Variants in STIM1 observed in about 807,000 individuals in gnomAD.
The protein encoded by STIM1 is stromal interaction molecule 1.
Under a neutral mutation model 74.7 loss-of-function variants are expected in STIM1, and 25 were observed. The ratio of observed to expected loss-of-function variants is 0.33; its 90% confidence interval spans 0.24 to 0.47. The LOEUF (loss-of-function observed/expected upper bound fraction) is 0.47, where lower values mean the gene tolerates loss of function less well. Among genes scored for constraint, STIM1 ranks in the 20% least tolerant of loss-of-function variants. The pLI is 1.00. For missense variants in STIM1, 728 were observed against 920.8 expected (o/e 0.79, Z 2.71); for synonymous variants, 328 against 348.8 (o/e 0.94, Z 0.66).
At chr11:3,883,558 G>C (rs966320169) in intron 1 of STIM1, among the ~76,000 whole-genome samples, 1 of 152,072 alleles carries the variant, frequency 6.6e-6, no homozygotes, top group Non-Finnish European at 1.5e-5. Context: ...TTACCATGTT[G>C]GTCAGGCTGG....
intron 1 of STIM1, among the ~76,000 whole-genome samples, chr11:3,876,985 C>T (rs866631281): frequency 6.6e-6 from 1 of 152,068 alleles, no homozygotes; most frequent in African/African-American, 2.4e-5. Flanking sequence ...TTACTGAGTG[C>T]GTTGCTCAGT....
chr11:4,076,985 G>T (rs183826444), intron 7 of STIM1, among the ~76,000 whole-genome samples: 3 of 151,770 alleles, frequency 2.0e-5, no homozygotes, highest in Admixed American at 6.6e-5. Context: ...AAGATTGTCA[G>T]ATTGGATTAA....
At chr11:3,882,190 C>T (rs530970936) in intron 1 of STIM1, among the ~76,000 whole-genome samples, 1 of 148,974 alleles carries the variant, frequency 6.7e-6, no homozygotes, top group South Asian at 2.1e-4. Flanking sequence ...ACCTCTGTCT[C>T]CTGGGTTCAA....
intron 3 of STIM1, among the ~76,000 whole-genome samples, chr11:4,051,856 C>T (rs1020226347): frequency 1.3e-5 from 2 of 152,018 alleles, no homozygotes; most frequent in African/African-American, 4.8e-5. Context: ...TTTAGAAAAC[C>T]CCATCGTCTC....
At chr11:4,052,613 T>A (rs2094252610) in intron 3 of STIM1, among the ~76,000 whole-genome samples, 1 of 152,208 alleles carries the variant, frequency 6.6e-6, no homozygotes, top group South Asian at 2.1e-4. Context: ...ACTTACATGT[T>A]AGACCTAAAA....
At chr11:3,969,716 G>A (rs2093373584) in intron 2 of STIM1, among the ~76,000 whole-genome samples, 1 of 152,168 alleles carries the variant, frequency 6.6e-6, no homozygotes, top group Non-Finnish European at 1.5e-5. Flanking sequence ...GGGTTGGTTT[G>A]GTTAGACAGG....
At chr11:3,876,417 T>A (rs976193550) in intron 1 of STIM1, among the ~76,000 whole-genome samples, 2 of 152,126 alleles carry the variant, frequency 1.3e-5, no homozygotes, top group Non-Finnish European at 2.9e-5. Flanking sequence ...ATTTCTTTTG[T>A]TTTTGGGAGA....
chr11:3,944,038 G>C (rs936728792), intron 1 of STIM1, among the ~76,000 whole-genome samples: 1 of 152,138 alleles, frequency 6.6e-6, no homozygotes, highest in African/African-American at 2.4e-5. Flanking sequence ...GTTATGTACA[G>C]AATAGACATC....
intron 1 of STIM1, among the ~76,000 whole-genome samples, chr11:3,884,571 G>T (rs1037373936): frequency 2.0e-5 from 3 of 152,170 alleles, no homozygotes; most frequent in African/African-American, 4.8e-5. Flanking sequence ...AATAGCCTTG[G>T]GAACTTGGGG....
rs138049599 is a variant in STIM1, at chr11:4,079,703, G to T, written c.970-2481G>T. 4.6e-3 allele frequency among the ~76,000 whole-genome samples: 708 copies of T among 152,258 alleles called. 9 individuals are homozygous for T. The highest frequency in any genetic ancestry group is 0.016 in the African/African-American group (680 of 41,542). ...CATAAAATGCATACAGCTTTCTCCA[G>T]ATGTTGTGTTGGATCAGAATTGTTT... is the stretch of plus-strand genomic sequence containing the variant. On this transcript the variant is annotated intron_variant, in intron 7 of 12. Transcript: ENST00000526596.
At chr11:4,070,271 G>A (rs1217238175) in intron 6 of STIM1, 68 bp downstream of exon 6, 1 of 1,591,546 alleles carries the variant, frequency 6.3e-7, no homozygotes, top group Middle Eastern at 2.2e-4. Flanking sequence ...TTCCACCTGG[G>A]TGTGAGCCAC....
chr11:3,970,636 T>G (rs182268988), intron 2 of STIM1, among the ~76,000 whole-genome samples: 83 of 152,198 alleles, frequency 5.5e-4, no homozygotes, highest in Middle Eastern at 3.4e-3. Flanking sequence ...TAATGAAAAT[T>G]TCATAAGATA....
chr11:4,047,069 C>A (rs1188011373), intron 3 of STIM1, among the ~76,000 whole-genome samples: 1 of 152,178 alleles, frequency 6.6e-6, no homozygotes, highest in Non-Finnish European at 1.5e-5. Context: ...TTTCTGGAAC[C>A]CCTCATTTAG....
chr11:4,088,883 G>A, intron 12 of STIM1: 2 of 811,200 alleles, frequency 2.5e-6, no homozygotes, highest in Non-Finnish European at 3.9e-6. Context: ...CTTCCTCCCA[G>A]GTTCTTATCT....
At position 4,005,342 on chromosome 11, in the gene STIM1, A is replaced by G. The variant is rs183789945; in HGVS notation, c.271-18531A>G. Among the ~76,000 whole-genome samples, 552 of 152,350 alleles carry G rather than the reference A, an allele frequency of 3.6e-3. 1 individual carries two copies. Among genetic ancestry groups the G allele is most frequent in the African/African-American group, 0.013 (523 of 41,582 alleles). ...AGACTTGGAACCAACCCAAATGTCC[A>G]ACAATGATAGACTGGATTAAGAAAA... On this transcript the variant is annotated intron_variant, in intron 2 of 12. Coordinates refer to ENST00000526596, the MANE Select transcript of STIM1 (RefSeq NM_001382567.1).
chr11:3,859,941 A>G (rs2090534856), intron 1 of STIM1, among the ~76,000 whole-genome samples: 1 of 152,368 alleles, frequency 6.6e-6, no homozygotes, highest in Admixed American at 6.5e-5. Context: ...GAACAATGCC[A>G]GCTCATGTGG....
intron 1 of STIM1, among the ~76,000 whole-genome samples, chr11:3,928,210 A>G (rs113221247): frequency 0.012 from 1,779 of 149,708 alleles, 22 homozygotes; most frequent in Non-Finnish European, 0.019. Flanking sequence ...TACAGATGTA[A>G]TCCTGCGTAA....
intron 1 of STIM1, chr11:3,868,124 G>T (rs2090934984): frequency 6.6e-6 from 1 of 152,232 alleles, no homozygotes; most frequent in African/African-American, 2.4e-5. Context: ...AGCAGTGTGT[G>T]TCTGTGTGTG....
At position 4,059,374 on chromosome 11, in the gene STIM1, A is replaced by G. The variant is rs2094314474; in HGVS notation, c.591A>G (p.Thr197=). Residue 197 remains threonine (T), a synonymous_variant, in exon 5 of 13, where the codon ACA becomes ACG. Coordinates refer to ENST00000526596, the MANE Select transcript of STIM1 (RefSeq NM_001382567.1). ...AGCTGCAGCTGAAGGCTCTGGATAC[A>G]GTGCTCTTTGGGCCTCCTCTCTGTG... ...RQKLQLKALD[T]VLFGPPLLTR... 6.2e-7 allele frequency: 1 copy of G among 1,614,044 alleles called. No individual in the cohort carries two copies. Among genetic ancestry groups the G allele is most frequent in the East Asian group, 2.2e-5 (1 of 44,880 alleles).
Sources: allele counts gnomAD v4.1 joint callset (sites outside exome capture counted in the v4.1 genomes callset), GRCh38; gene constraint gnomAD v4.1.1; transcripts MANE v1.5; gene names NCBI Gene and HGNC (gene_info 2026-07-23, HGNC 2026-07-21).